Variants in PROM1 observed in about 807,000 individuals in gnomAD.
PROM1 encodes the protein prominin 1.
PROM1 carries 105 observed loss-of-function variants against 116.9 expected under a neutral mutation model. The observed-to-expected ratio is 0.90, with a 90% CI of 0.77 to 1.06. The LOEUF (loss-of-function observed/expected upper bound fraction) is 1.06. Ranked by LOEUF, PROM1 falls within the 50% of genes least tolerant of loss-of-function variation. PROM1 has a pLI of 0.00. For missense variants in PROM1, 1,122 were observed against 1,045.2 expected (o/e 1.07, Z -1.01); for synonymous variants, 393 against 387.0 (o/e 1.02, Z -0.18).
intron 2 of PROM1, among the ~76,000 whole-genome samples, chr4:16,054,237 C>T (rs11942850): frequency 0.051 from 7,808 of 152,260 alleles, 679 homozygotes; most frequent in African/African-American, 0.18. Flanking sequence ...TCTTCTACTC[C>T]ATTCCATTCT....
Position 16,066,742 on chromosome 4 carries a change from T to C in PROM1, c.220+8945A>G, listed in dbSNP as rs75505405. On this transcript the variant is annotated intron_variant, in intron 2 of 27. Transcript: ENST00000447510. ...GCTATTTAATACCATGGTGGCTTCATGCAGCAGCTGCTGGGCGGCCTCTCT... is the reference window on the plus strand; with the variant it reads ...GCTATTTAATACCATGGTGGCTTCACGCAGCAGCTGCTGGGCGGCCTCTCT... 1.6e-3 allele frequency among the ~76,000 whole-genome samples: 251 copies of C among 152,350 alleles called. 10 individuals carry two copies. The East Asian group carries it at 0.047, about 29-fold the overall frequency.
At chr4:15,972,667 G>T (rs1714889205) in intron 26 of PROM1, among the ~76,000 whole-genome samples, 1 of 152,200 alleles carries the variant, frequency 6.6e-6, no homozygotes, top group Admixed American at 6.5e-5. Flanking sequence ...AAGGGCCTTA[G>T]GTGAGACCAT....
Position 15,980,439 on chromosome 4 carries a change from C to T in PROM1, c.2472G>A (p.Ser824=), listed in dbSNP as rs372746499. ...KLAKYYRRMD[S]EDVYDDVETI... is the part of the protein sequence containing the mutation. ...ATACTTACTCATCGTACACGTCCTC[C>T]GAATCCATTCGACGATAGTACTTAG... Residue 824 remains serine (S), a synonymous_variant, in exon 24 of 28, where the codon TCG becomes TCA. Coordinates refer to ENST00000447510, the MANE Select transcript of PROM1 (RefSeq NM_006017.3). 4.0e-5 allele frequency: 62 copies of T among 1,549,928 alleles called. 1 individual carries two copies. Among genetic ancestry groups the T allele is most frequent in the Admixed American group, 2.5e-4 (13 of 51,058 alleles).
At chr4:16,021,091 T>C (rs541054940) in intron 8 of PROM1, among the ~76,000 whole-genome samples, 2 of 103,964 alleles carry the variant, frequency 1.9e-5, no homozygotes, top group East Asian at 4.7e-4. Context: ...TGCAAATCAT[T>C]TTTAGCCAAA....
At chr4:15,999,068 C>T (rs896910483) in intron 14 of PROM1, among the ~76,000 whole-genome samples, 1 of 151,968 alleles carries the variant, frequency 6.6e-6, no homozygotes, top group Non-Finnish European at 1.5e-5. Flanking sequence ...AAAACAAACA[C>T]ATTATAAATA....
chr4:16,036,302 G>C (rs2149395643), intron 3 of PROM1, among the ~76,000 whole-genome samples: 1 of 152,216 alleles, frequency 6.6e-6, no homozygotes, highest in South Asian at 2.1e-4. Context: ...TCATTTTCTA[G>C]ATCACTTTTT....
At chr4:15,970,985 T>G (rs1434729810) in intron 27 of PROM1, 58 bp downstream of exon 27, 11 of 1,353,550 alleles carry the variant, frequency 8.1e-6, no homozygotes, top group Non-Finnish European at 2.1e-6. Flanking sequence ...GTTTTGATGT[T>G]CTAAAAACTA....
Position 15,980,450 on chromosome 4 carries a change from G to C in PROM1, c.2461C>G (p.Arg821Gly). 6.4e-7 allele frequency: 1 copy of C among 1,553,556 alleles called. No homozygotes were observed. Residue 821 changes from arginine (R) to glycine (G), a missense_variant, in exon 24 of 28, where the codon CGA becomes GGA. By Grantham distance (125) the Arg-to-Gly change is moderately radical. Coordinates refer to ENST00000447510, the MANE Select transcript of PROM1 (RefSeq NM_006017.3). ...TCGTACACGTCCTCCGAATCCATTCGACGATAGTACTTAGCCAGTTTTACC... is the reference window on the plus strand; with the variant it reads ...TCGTACACGTCCTCCGAATCCATTCCACGATAGTACTTAGCCAGTTTTACC... ...FAVKLAKYYR[R>G]MDSEDVYDDV...
chr4:16,080,942 C>T (rs1744917630), intron 1 of PROM1, among the ~76,000 whole-genome samples: 1 of 152,156 alleles, frequency 6.6e-6, no homozygotes, highest in South Asian at 2.1e-4. Context: ...GGTCCTGTGG[C>T]ATGTCCTAGA....
intron 13 of PROM1, among the ~76,000 whole-genome samples, chr4:16,005,202 A>T (rs1406303470): frequency 1.3e-5 from 2 of 151,874 alleles, no homozygotes; most frequent in African/African-American, 4.8e-5. Context: ...GCCTCAAGTG[A>T]TCTGCCTGTC....
chr4:15,971,637 G>C (rs1360126464), intron 26 of PROM1: 1 of 151,908 alleles, frequency 6.6e-6, no homozygotes, highest in African/African-American at 2.4e-5. Context: ...GTATACGCCA[G>C]GGGGAGACTA....
Position 16,048,835 on chromosome 4 carries a change from T to C in PROM1, c.221-9834A>G, listed in dbSNP as rs544551395. Among the ~76,000 whole-genome samples, 7 of 152,320 alleles carry C rather than the reference T, an allele frequency of 4.6e-5. No homozygotes were observed. The South Asian group carries it at 1.4e-3, about 32-fold the overall frequency. On this transcript the variant is annotated intron_variant, in intron 2 of 27. Transcript: ENST00000447510. Reference sequence around the variant, plus strand: ...GCAGCCATGTGCTCACAGCCACGTGTGGACTGTGATTTTACTTTACCTGGA... The same window carrying C: ...GCAGCCATGTGCTCACAGCCACGTGCGGACTGTGATTTTACTTTACCTGGA...
intron 13 of PROM1, among the ~76,000 whole-genome samples, chr4:16,002,606 C>A (rs1214786139): frequency 6.6e-6 from 1 of 152,152 alleles, no homozygotes; most frequent in Non-Finnish European, 1.5e-5. Flanking sequence ...ATTGGAAAGG[C>A]CTAGGTCAGC....
intron 25 of PROM1, 55 bp from the exon 26 acceptor site, chr4:15,979,518 T>G: frequency 6.4e-7 from 1 of 1,550,656 alleles, no homozygotes. Flanking sequence ...GATGAAGTAT[T>G]TACATCATGG....
intron 8 of PROM1, among the ~76,000 whole-genome samples, chr4:16,022,760 T>A (rs867619869): frequency 6.6e-6 from 1 of 152,310 alleles, no homozygotes; most frequent in Middle Eastern, 3.4e-3. Flanking sequence ...TTAAAATCAG[T>A]ATATCTGTCA....
At chr4:15,976,475 T>C (rs1407053346) in intron 26 of PROM1, among the ~76,000 whole-genome samples, 1 of 152,234 alleles carries the variant, frequency 6.6e-6, no homozygotes, top group Non-Finnish European at 1.5e-5. Context: ...TCGGTTATTC[T>C]CTTCTAGATG....
At chr4:16,054,816 TATCAA>T (rs1232925825) in intron 2 of PROM1, among the ~76,000 whole-genome samples, 1 of 152,020 alleles carries the variant, frequency 6.6e-6, no homozygotes, top group Admixed American at 6.6e-5. Context: ...TTTCCCCACC[TATCAA>T]AACCCTCCCT....
chr4:15,995,923 T>C (rs1052968851), intron 15 of PROM1, among the ~76,000 whole-genome samples: 9 of 152,234 alleles, frequency 5.9e-5, no homozygotes. Flanking sequence ...GACCAGAGTC[T>C]AATTCAATTT....
intron 2 of PROM1, among the ~76,000 whole-genome samples, chr4:16,058,054 G>T (rs1022193273): frequency 2.6e-5 from 4 of 152,172 alleles, no homozygotes; most frequent in Non-Finnish European, 5.9e-5. Context: ...TAGAAAGAAG[G>T]TTTTTTTCCA....
Sources: gnomAD v4.1 joint callset for allele counts (sites outside exome capture counted in the v4.1 genomes callset) on GRCh38, gnomAD v4.1.1 for gene constraint, MANE v1.5 for transcripts, NCBI Gene and HGNC (gene_info 2026-07-23, HGNC 2026-07-21) for gene names.